The following SPEM2 variants were observed in gnomAD, a reference collection of about 807,000 sequenced individuals.
SPEM2 encodes the protein SPEM family member 2, also known as uncharacterized protein SPEM2.
SPEM2 carries 15 observed loss-of-function variants against 9.3 expected under a neutral mutation model. The observed-to-expected ratio is 1.62, with a 90% CI of 1.08 to 2.50. The LOEUF is 2.50. Ranked by LOEUF, SPEM2 falls within the 30% of genes most tolerant of loss-of-function variation. The probability of loss-of-function intolerance (pLI) is 0.00; values close to 1 mark genes in which losing one functional copy is unlikely to be tolerated. For synonymous variants in SPEM2, 268 were observed against 272.4 expected, an observed-to-expected ratio of 0.98 and a Z score of 0.16; for missense variants, 678 against 690.0, an observed-to-expected ratio of 0.98 and a Z score of 0.19.
intron 1 of SPEM2, 38 bp downstream of exon 1, chr17:7,425,864 G>A (rs1161624628): frequency 3.1e-6 from 5 of 1,613,194 alleles, no homozygotes; most frequent in Non-Finnish European, 3.4e-6. Flanking sequence ...GGGGTGAACA[G>A]GGCCAAGGGT....
rs1306270584 is a variant in SPEM2, at chr17:7,427,018, C to A, written c.1027C>A (p.His343Asn). The A allele has an allele frequency of 1.7e-5, 28 of 1,611,758 alleles. No individual in the cohort carries two copies. Among genetic ancestry groups the A allele is most frequent in the Non-Finnish European group, 2.2e-5 (26 of 1,179,876 alleles). The change falls in exon 3 of 3, where the codon CAC (histidine) becomes AAC (asparagine). Residue 343 changes from histidine (H) to asparagine (N), a missense_variant. His to Asn is a moderately conservative substitution (Grantham distance 68). Coordinates refer to ENST00000333870, the MANE Select transcript of SPEM2 (RefSeq NM_175734.5). This position sits in a 1 kb window ranked among gnomAD's most constrained non-coding sequence, Gnocchi z 5.4. The part of the protein sequence containing the change: ...RPEAQGCREH[H>N]SPQSHQQSLL... The stretch of plus-strand genomic sequence containing the variant: ...TGAGGCCCAGGGCTGCCGGGAGCAC[C>A]ACTCCCCACAGTCCCACCAGCAGAG...
At position 7,426,119 on chromosome 17, in the gene SPEM2, G is replaced by A; in HGVS notation, c.196+69G>A. ...CCTGACAATGGCCCTAGAAACCCAG[G>A]CCCCAGTGTTCCCAACCTTGAGCTC... On this transcript the variant is annotated intron_variant, in intron 2 of 2. Coordinates refer to ENST00000333870, the MANE Select transcript of SPEM2 (RefSeq NM_175734.5). This position sits in a 1 kb window ranked among gnomAD's most constrained non-coding sequence, Gnocchi z 5.3. The A allele has an allele frequency of 1.9e-6, 3 of 1,613,582 alleles. No individual in the cohort carries two copies. The highest frequency in any genetic ancestry group is 2.2e-5 in the East Asian group (1 of 44,880).
Position 7,426,541 on chromosome 17 carries a change from T to C in SPEM2, c.550T>C (p.Tyr184His). ...CTTTGATCAGGAGGACCCGGATTCC[T>C]ACCTGGAGGAGGAGGACAACCTGCC... ...PFFDQEDPDS[Y>H]LEEEDNLPFP... Residue 184 changes from tyrosine to histidine, a missense_variant, in exon 3 of 3, where the codon TAC becomes CAC. Physicochemically the swap from Tyr to His is moderately conservative, Grantham distance 83. Coordinates refer to ENST00000333870, the MANE Select transcript of SPEM2 (RefSeq NM_175734.5). This position sits in a 1 kb window ranked among gnomAD's most constrained non-coding sequence, Gnocchi z 5.3. 2 of 1,614,218 alleles carry C rather than the reference T, an allele frequency of 1.2e-6. No homozygotes were observed. The highest frequency in any genetic ancestry group is 1.1e-5 in the South Asian group (1 of 91,090).
In SPEM2 at chr17:7,425,844, A is replaced by C; in HGVS notation, c.138+18A>C. On this transcript the variant is annotated intron_variant, in intron 1 of 2. Transcript: ENST00000333870. The stretch of plus-strand genomic sequence containing the variant: ...CAACTATGGTCAGTGATGATTGTGG[A>C]CTACCTCTGGGGGTGAACAGGGCCA... The C allele has an allele frequency of 6.2e-7, 1 of 1,613,964 alleles. No homozygotes were observed. Among genetic ancestry groups the C allele is most frequent in the Non-Finnish European group, 8.5e-7 (1 of 1,179,930 alleles).
In SPEM2 at chr17:7,426,363, T is replaced by G. The variant is rs1406709963; in HGVS notation, c.372T>G (p.Val124=). 4.3e-6 allele frequency: 7 copies of G among 1,613,726 alleles called. No individual in the cohort carries two copies. The highest frequency in any genetic ancestry group is 1.7e-5 in the Admixed American group (1 of 60,010). ...NHHSSSLLRC[V]RRRRRRHRRC... Reference sequence around the variant, plus strand: ...ACAGTAGCAGTCTTCTTCGCTGTGTTCGTCGCCGCCGCCGCCGCCACCGCC... The same window carrying G: ...ACAGTAGCAGTCTTCTTCGCTGTGTGCGTCGCCGCCGCCGCCGCCACCGCC... The change falls in exon 3 of 3, where the codon GTT becomes GTG. Residue 124 remains valine (V), a synonymous_variant. Coordinates refer to ENST00000333870, the MANE Select transcript of SPEM2 (RefSeq NM_175734.5). The surrounding 1 kb of genome is among the most constrained non-coding windows in gnomAD (Gnocchi z 5.3).
Position 7,427,353 on chromosome 17 carries a change from C to T in SPEM2, c.1362C>T (p.Gly454=). 1 of 1,614,056 alleles carries T rather than the reference C, an allele frequency of 6.2e-7. No individual in the cohort carries two copies. The highest frequency in any genetic ancestry group is 8.5e-7 in the Non-Finnish European group (1 of 1,180,004). The change falls in exon 3 of 3, where the codon GGC becomes GGT. Residue 454 remains glycine (G), a synonymous_variant. Coordinates refer to ENST00000333870, the MANE Select transcript of SPEM2 (RefSeq NM_175734.5). The surrounding 1 kb of genome is among the most constrained non-coding windows in gnomAD (Gnocchi z 5.4). The stretch of plus-strand genomic sequence containing the variant: ...TCCCACTCAGCCGGAATCCAGGGGG[C>T]AATGCCAACTACCAGGTGTACGACA... ...MFVPLSRNPG[G]NANYQVYDSL...
rs13290 is a variant in SPEM2, at chr17:7,426,313, T to G, written c.322T>G (p.Ser108Ala). 0.59 allele frequency: 945,828 copies of G among 1,613,830 alleles called. 292,759 individuals are homozygous for G. Among genetic ancestry groups the G allele is most frequent in the Non-Finnish European group, 0.65 (767,683 of 1,179,926 alleles). Residue 108 changes from serine (S) to alanine (A), a missense_variant, in exon 3 of 3, where the codon TCC becomes GCC. By Grantham distance (99) the Ser-to-Ala change is moderately conservative. Coordinates refer to ENST00000333870, the MANE Select transcript of SPEM2 (RefSeq NM_175734.5). This position sits in a 1 kb window ranked among gnomAD's most constrained non-coding sequence, Gnocchi z 5.3. The part of the protein sequence containing the change: ...MSRPTQYSSF[S>A]CHHFSNHHSS... ...CCGACCCACGCAGTACTCCTCTTTCTCCTGCCACCATTTCTCCAACCATCA... is the reference window on the plus strand; with the variant it reads ...CCGACCCACGCAGTACTCCTCTTTCGCCTGCCACCATTTCTCCAACCATCA...
Position 7,426,842 on chromosome 17 carries a change from A to G in SPEM2, c.851A>G (p.His284Arg). ...EQWASSPPPP[H>R]RLPPNPSWVP... Reference sequence around the variant, plus strand: ...TGGGCCTCGTCTCCACCACCTCCCCACCGGCTGCCCCCTAACCCCTCTTGG... The same window carrying G: ...TGGGCCTCGTCTCCACCACCTCCCCGCCGGCTGCCCCCTAACCCCTCTTGG... The change falls in exon 3 of 3, where the codon CAC becomes CGC. Residue 284 changes from histidine (H) to arginine (R), a missense_variant. Transcript: ENST00000333870. This position sits in a 1 kb window ranked among gnomAD's most constrained non-coding sequence, Gnocchi z 5.3. The G allele has an allele frequency of 6.2e-7, 1 of 1,610,070 alleles. No homozygotes were observed. The highest frequency in any genetic ancestry group is 2.2e-5 in the East Asian group (1 of 44,828).
chr17:7,427,170 C>A lies in SPEM2; in HGVS notation c.1179C>A (p.Pro393=). Residue 393 remains proline, a synonymous_variant, in exon 3 of 3, where the codon CCC becomes CCA. Transcript: ENST00000333870. This position sits in a 1 kb window ranked among gnomAD's most constrained non-coding sequence, Gnocchi z 5.4. ...CAGCTGACTGGGCTGAGGCTCTGCC[C>A]GCCTGGCGTCCTCTGACTACCTCTG... ...RRAADWAEAL[P]AWRPLTTSAS... 3.1e-6 allele frequency: 5 copies of A among 1,613,932 alleles called. No homozygotes were observed. The highest frequency in any genetic ancestry group is 4.2e-6 in the Non-Finnish European group (5 of 1,179,922).
In SPEM2 at chr17:7,427,177, C is replaced by G. The variant is rs749245528; in HGVS notation, c.1186C>G (p.Arg396Gly). The G allele has an allele frequency of 6.2e-7, 1 of 1,614,048 alleles. No individual in the cohort carries two copies. Among genetic ancestry groups the G allele is most frequent in the East Asian group, 2.2e-5 (1 of 44,890 alleles). Reference protein sequence around the residue: ...ADWAEALPAWRPLTTSASLTV... With the variant: ...ADWAEALPAWGPLTTSASLTV... ...CTGGGCTGAGGCTCTGCCCGCCTGG[C>G]GTCCTCTGACTACCTCTGCCTCCCT... Residue 396 changes from arginine (R) to glycine (G), a missense_variant, in exon 3 of 3, where the codon CGT becomes GGT. Transcript: ENST00000333870. The surrounding 1 kb of genome is among the most constrained non-coding windows in gnomAD (Gnocchi z 5.4).
chr17:7,426,989 G>T lies in SPEM2; in HGVS notation c.998G>T (p.Arg333Leu). ...RPPASVSRNA[R>L]PEAQGCREHH... ...CCTGCCTCGGTGTCCCGGAACGCCC[G>T]GCCTGAGGCCCAGGGCTGCCGGGAG... Residue 333 changes from arginine (R) to leucine (L), a missense_variant, in exon 3 of 3, where the codon CGG (arginine) becomes CTG (leucine). Physicochemically the swap from Arg to Leu is moderately radical, Grantham distance 102 (BLOSUM62 -2). Transcript: ENST00000333870. This position sits in a 1 kb window ranked among gnomAD's most constrained non-coding sequence, Gnocchi z 5.3. 6.2e-7 allele frequency: 1 copy of T among 1,611,534 alleles called. No homozygotes were observed. Among genetic ancestry groups the T allele is most frequent in the South Asian group, 1.1e-5 (1 of 91,040 alleles).
At chr17:7,425,909 G>A in intron 1 of SPEM2, 83 bp downstream of exon 1, 1 of 1,611,652 alleles carries the variant, frequency 6.2e-7, no homozygotes, top group Non-Finnish European at 8.5e-7. Flanking sequence ...CCACCTGCAG[G>A]TGCGGTCTAG....
Position 7,427,501 on chromosome 17 carries a change from G to A in SPEM2, c.*4G>A, listed in dbSNP as rs1200828099. On this transcript the variant is annotated 3_prime_UTR_variant, in exon 3 of 3. Coordinates refer to ENST00000333870, the MANE Select transcript of SPEM2 (RefSeq NM_175734.5). The surrounding 1 kb of genome is among the most constrained non-coding windows in gnomAD (Gnocchi z 5.4). Reference sequence around the variant, plus strand: ...CCAGACCGAGAAACTCAACTGACCAGCAGGCGGATGTGGGGTGTGGGGCAG... The same window carrying A: ...CCAGACCGAGAAACTCAACTGACCAACAGGCGGATGTGGGGTGTGGGGCAG... 2 of 1,560,618 alleles carry A rather than the reference G, an allele frequency of 1.3e-6. No homozygotes were observed. The highest frequency in any genetic ancestry group is 1.7e-6 in the Non-Finnish European group (2 of 1,152,012).
chr17:7,426,511 C>T lies in SPEM2; in HGVS notation c.520C>T (p.Pro174Ser), dbSNP rs748980863. The T allele has an allele frequency of 5.0e-6, 8 of 1,613,978 alleles. No homozygotes were observed. In the Admixed American group the frequency reaches 1.2e-4, roughly 24 times the overall value. The change falls in exon 3 of 3, where the codon CCT (proline) becomes TCT (serine). Residue 174 changes from proline to serine, a missense_variant. Physicochemically the swap from Pro to Ser is moderately conservative, Grantham distance 74. Transcript: ENST00000333870. This position sits in a 1 kb window ranked among gnomAD's most constrained non-coding sequence, Gnocchi z 5.3. Reference protein sequence around the residue: ...SQKMSQLHRVPFFDQEDPDSY... With the variant: ...SQKMSQLHRVSFFDQEDPDSY... ...AAAGATGTCACAACTACACCGAGTG[C>T]CTTTCTTTGATCAGGAGGACCCGGA...
rs749471824 is a variant in SPEM2 at position 7,427,473 on chromosome 17, G to A, written c.1482G>A (p.Arg494=). Residue 494 remains arginine (R), a synonymous_variant, in exon 3 of 3, where the codon AGG becomes AGA. Transcript: ENST00000333870. This position sits in a 1 kb window ranked among gnomAD's most constrained non-coding sequence, Gnocchi z 5.4. ...STSTLRPSLH[R]SQTEKLN ...CCACCTTGAGGCCCTCTCTGCACAG[G>A]AGCCAGACCGAGAAACTCAACTGAC... 6 of 1,579,556 alleles carry A rather than the reference G, an allele frequency of 3.8e-6. No homozygotes were observed. Among genetic ancestry groups the A allele is most frequent in the Admixed American group, 1.8e-5 (1 of 56,406 alleles).
At position 7,426,851 on chromosome 17, in the gene SPEM2, C is replaced by G. The variant is rs1907634707; in HGVS notation, c.860C>G (p.Pro287Arg). 6.2e-7 allele frequency: 1 copy of G among 1,611,768 alleles called. No homozygotes were observed. Among genetic ancestry groups the G allele is most frequent in the Non-Finnish European group, 8.5e-7 (1 of 1,179,030 alleles). ...TCTCCACCACCTCCCCACCGGCTGC[C>G]CCCTAACCCCTCTTGGGTCCCCGTG... ...ASSPPPPHRL[P>R]PNPSWVPVGH... Residue 287 changes from proline to arginine, a missense_variant, in exon 3 of 3, where the codon CCC (proline) becomes CGC (arginine). Coordinates refer to ENST00000333870, the MANE Select transcript of SPEM2 (RefSeq NM_175734.5). This position sits in a 1 kb window ranked among gnomAD's most constrained non-coding sequence, Gnocchi z 5.3.
rs1907677708 is a variant in SPEM2, at chr17:7,427,460, C to T, written c.1469C>T (p.Pro490Leu). 1 of 1,597,126 alleles carries T rather than the reference C, an allele frequency of 6.3e-7. No individual in the cohort carries two copies. Among genetic ancestry groups the T allele is most frequent in the African/African-American group, 1.3e-5 (1 of 74,638 alleles). ...LPPASTSTLR[P>L]SLHRSQTEKL... Reference sequence around the variant, plus strand: ...CCGGCTTCCACCTCCACCTTGAGGCCCTCTCTGCACAGGAGCCAGACCGAG... The same window carrying T: ...CCGGCTTCCACCTCCACCTTGAGGCTCTCTCTGCACAGGAGCCAGACCGAG... Residue 490 changes from proline to leucine, a missense_variant, in exon 3 of 3, where the codon CCC becomes CTC. By Grantham distance (98) the Pro-to-Leu change is moderately conservative (BLOSUM62 -3). Coordinates refer to ENST00000333870, the MANE Select transcript of SPEM2 (RefSeq NM_175734.5). The surrounding 1 kb of genome is among the most constrained non-coding windows in gnomAD (Gnocchi z 5.4).
In SPEM2 at chr17:7,426,743, C is replaced by A; in HGVS notation, c.752C>A (p.Ser251Tyr). The A allele has an allele frequency of 6.2e-7, 1 of 1,609,958 alleles. No homozygotes were observed. The highest frequency in any genetic ancestry group is 1.3e-5 in the African/African-American group (1 of 74,992). ...RCMPKRVEAR[S>Y]ELRLQSYGRH... ...ATGCCCAAGCGTGTAGAGGCCAGGT[C>A]TGAGCTGAGGCTGCAGTCCTATGGG... Residue 251 changes from serine to tyrosine, a missense_variant, in exon 3 of 3, where the codon TCT (serine) becomes TAT (tyrosine). Coordinates refer to ENST00000333870, the MANE Select transcript of SPEM2 (RefSeq NM_175734.5). This position sits in a 1 kb window ranked among gnomAD's most constrained non-coding sequence, Gnocchi z 5.3.
Position 7,426,729 on chromosome 17 carries a change from T to A in SPEM2, c.738T>A (p.Arg246=). The change falls in exon 3 of 3, where the codon CGT becomes CGA. Residue 246 remains arginine, a synonymous_variant. Coordinates refer to ENST00000333870, the MANE Select transcript of SPEM2 (RefSeq NM_175734.5). This position sits in a 1 kb window ranked among gnomAD's most constrained non-coding sequence, Gnocchi z 5.3. ...CTGAGCTGCGCTGCATGCCCAAGCGTGTAGAGGCCAGGTCTGAGCTGAGGC... is the reference window on the plus strand; with the variant it reads ...CTGAGCTGCGCTGCATGCCCAAGCGAGTAGAGGCCAGGTCTGAGCTGAGGC... ...LSPELRCMPK[R]VEARSELRLQ... 1 of 1,612,624 alleles carries A rather than the reference T, an allele frequency of 6.2e-7. No individual in the cohort carries two copies. Among genetic ancestry groups the A allele is most frequent in the South Asian group, 1.1e-5 (1 of 90,866 alleles).
Sources: gnomAD v4.1 joint callset for allele counts on GRCh38, gnomAD v4.1.1 for gene constraint, Gnocchi (gnomAD v3.1) non-coding constraint, MANE v1.5 for transcripts, NCBI Gene and HGNC (gene_info 2026-07-23, HGNC 2026-07-21) for gene names.